SLC44A5: variants seen among roughly 807,000 people sequenced by gnomAD.
The protein encoded by SLC44A5 is solute carrier family 44 member 5.
Under a neutral mutation model 101.8 loss-of-function variants are expected in SLC44A5, and 57 were observed. The ratio of observed to expected loss-of-function variants is 0.56; its 90% CI spans 0.45 to 0.70. The LOEUF (loss-of-function observed/expected upper bound fraction) is 0.70, where lower values mean the gene tolerates loss of function less well. Ranked by LOEUF, SLC44A5 falls within the 30% of genes least tolerant of loss-of-function variation. The probability of loss-of-function intolerance (pLI) is 0.00; values close to 1 mark genes in which losing one functional copy is unlikely to be tolerated. For synonymous variants in SLC44A5, 281 were observed against 290.9 expected (o/e 0.97, Z 0.35); for missense variants, 737 against 853.1 (o/e 0.86, Z 1.70).
intron 1 of SLC44A5, among the ~76,000 whole-genome samples, chr1:75,572,655 G>A (rs989937693): frequency 2.6e-5 from 4 of 152,238 alleles, no homozygotes; most frequent in Non-Finnish European, 5.9e-5. Context: ...TTACAAAGTG[G>A]AGAGTTCAGA....
the SLC44A5 span, among the ~76,000 whole-genome samples, chr1:75,677,373 A>G: frequency 6.6e-6 from 1 of 152,210 alleles, no homozygotes; most frequent in Admixed American, 6.5e-5. Flanking sequence ...TTGCTTGTTT[A>G]TTAATTTGTT....
In SLC44A5 at chr1:75,445,168, A is replaced by G. The variant is rs190368785; in HGVS notation, c.14-48547T>C. ...TATGGGTCATGGGAGTGGATCCCTC[A>G]TGAATGGGTTGCTGCCCTCTCCACG... On this transcript the variant is annotated intron_variant, in intron 2 of 23. Transcript: ENST00000370859. 1.2e-3 allele frequency among the ~76,000 whole-genome samples: 188 copies of G among 152,220 alleles called. 1 individual carries two copies. Among genetic ancestry groups the G allele is most frequent in the South Asian group, 2.1e-3 (10 of 4,810 alleles).
intron 2 of SLC44A5, among the ~76,000 whole-genome samples, chr1:75,463,455 A>G (rs78954751): frequency 0.17 from 25,493 of 149,146 alleles, 2,709 homozygotes; most frequent in Non-Finnish European, 0.24. Flanking sequence ...TCCTAAAAGC[A>G]ACAACAGAAA....
At chr1:75,536,016 C>T (rs1428110516) in intron 2 of SLC44A5, among the ~76,000 whole-genome samples, 1 of 147,202 alleles carries the variant, frequency 6.8e-6, no homozygotes, top group Non-Finnish European at 1.5e-5. Context: ...TGTGAGCAGC[C>T]TGGGCAACAT....
chr1:75,389,514 G>C (rs1476145903), intron 3 of SLC44A5, among the ~76,000 whole-genome samples: 1 of 152,086 alleles, frequency 6.6e-6, no homozygotes, highest in African/African-American at 2.4e-5. Flanking sequence ...TCAACGCCAA[G>C]AGGATTTCTC....
At chr1:75,390,693 C>T (rs906953471) in intron 3 of SLC44A5, among the ~76,000 whole-genome samples, 1 of 151,910 alleles carries the variant, frequency 6.6e-6, no homozygotes, top group Non-Finnish European at 1.5e-5. Flanking sequence ...AGAAGCATAC[C>T]TCAAAATAAT....
intron 2 of SLC44A5, among the ~76,000 whole-genome samples, chr1:75,472,810 G>C (rs887469909): frequency 2.6e-5 from 4 of 152,224 alleles, no homozygotes; most frequent in Admixed American, 2.6e-4. Flanking sequence ...TTGCAGCCCT[G>C]TCCTCATTTC....
At chr1:75,258,854 T>C (rs907873031) in intron 6 of SLC44A5, among the ~76,000 whole-genome samples, 1 of 45,862 alleles carries the variant, frequency 2.2e-5, no homozygotes, top group Admixed American at 3.3e-4. Flanking sequence ...TTGGCCATTC[T>C]GCGATTCTGC....
chr1:75,541,569 C>T, intron 1 of SLC44A5, 53 bp from the exon 2 acceptor site: 1 of 1,225,756 alleles, frequency 8.2e-7, no homozygotes, highest in Admixed American at 2.2e-5. Context: ...TATTTTTACT[C>T]ATTAACAACT....
the SLC44A5 span, among the ~76,000 whole-genome samples, chr1:75,700,303 T>C: frequency 0.25 from 38,022 of 152,040 alleles, 5,106 homozygotes; most frequent in Non-Finnish European, 0.3. Context: ...TAAAATAAAC[T>C]GTCTCTCAGA....
the SLC44A5 span, among the ~76,000 whole-genome samples, chr1:75,647,002 A>C: frequency 6.6e-6 from 1 of 152,238 alleles, no homozygotes; most frequent in Non-Finnish European, 1.5e-5. Context: ...GAGGAGCCCA[A>C]TGTTAATCCC....
chr1:75,671,141 G>A, the SLC44A5 span, among the ~76,000 whole-genome samples: 2 of 152,180 alleles, frequency 1.3e-5, no homozygotes, highest in South Asian at 4.1e-4. Context: ...GAATAACTTA[G>A]TGGGCTCTGG....
intron 2 of SLC44A5, among the ~76,000 whole-genome samples, chr1:75,440,735 T>A (rs1474204442): frequency 6.6e-6 from 1 of 152,044 alleles, no homozygotes; most frequent in Admixed American, 6.6e-5. Flanking sequence ...AGGGTGGTAG[T>A]GTGCTTTAAG....
At chr1:75,544,573 G>A (rs1450897295) in intron 1 of SLC44A5, among the ~76,000 whole-genome samples, 2 of 152,092 alleles carry the variant, frequency 1.3e-5, no homozygotes, top group South Asian at 2.1e-4. Flanking sequence ...TGCAGATTAT[G>A]TCCCTTTATC....
chr1:75,385,069 G>A (rs1358857952), intron 3 of SLC44A5, among the ~76,000 whole-genome samples: 1 of 152,140 alleles, frequency 6.6e-6, no homozygotes, highest in Non-Finnish European at 1.5e-5. Context: ...CGTGTAGAGG[G>A]AAATACATAG....
At chr1:75,369,920 A>T (rs932723284) in intron 3 of SLC44A5, among the ~76,000 whole-genome samples, 2 of 152,228 alleles carry the variant, frequency 1.3e-5, no homozygotes, top group South Asian at 2.1e-4. Flanking sequence ...CTTACAGCTC[A>T]TCTTCTCTAG....
intron 2 of SLC44A5, among the ~76,000 whole-genome samples, chr1:75,476,633 G>A (rs1369003347): frequency 5.9e-5 from 9 of 152,216 alleles, no homozygotes; most frequent in South Asian, 4.1e-4. Context: ...CTACGCCCAC[G>A]GAGTCTCGCT....
At chr1:75,504,850 A>G (rs1016118444) in intron 2 of SLC44A5, among the ~76,000 whole-genome samples, 1 of 152,098 alleles carries the variant, frequency 6.6e-6, no homozygotes, top group African/African-American at 2.4e-5. Context: ...TTATAATTTC[A>G]ACTTTTATTT....
the SLC44A5 span, among the ~76,000 whole-genome samples, chr1:75,675,784 A>C: frequency 0.12 from 18,384 of 152,178 alleles, 2,741 homozygotes; most frequent in African/African-American, 0.36. Context: ...AGAATGAGAG[A>C]AAATTTTTGC....
Sources: gnomAD v4.1 joint callset for allele counts (sites outside exome capture counted in the v4.1 genomes callset) on GRCh38, gnomAD v4.1.1 for gene constraint, MANE v1.5 for transcripts, NCBI Gene and HGNC (gene_info 2026-07-23, HGNC 2026-07-21) for gene names.